The following DCC variants were observed in gnomAD, a reference collection of about 807,000 sequenced individuals.
DCC encodes the protein netrin receptor DCC.
In DCC, 58 loss-of-function variants were observed where a neutral mutation model predicts 172.5. That is an observed-to-expected ratio of 0.34 (90% confidence interval 0.27 to 0.42). DCC has a LOEUF of 0.42. Among genes scored for constraint, DCC ranks in the 10% least tolerant of loss-of-function variants. The pLI is 1.00. For synonymous variants in DCC, 709 were observed against 644.5 expected (o/e 1.10, Z -1.52); for missense variants, 1,740 against 1,791.0 (o/e 0.97, Z 0.51).
intron 1 of DCC, among the ~76,000 whole-genome samples, chr18:52,629,505 A>C: frequency 6.6e-6 from 1 of 152,110 alleles, no homozygotes; most frequent in Non-Finnish European, 1.5e-5. Context: ...CCACATGTAA[A>C]ATATTTCTAA....
chr18:52,556,573 A>C (rs2032920778), intron 1 of DCC, among the ~76,000 whole-genome samples: 1 of 152,126 alleles, frequency 6.6e-6, no homozygotes, highest in South Asian at 2.1e-4. Context: ...GGCAGAACTC[A>C]TGATTAGTGT....
intron 1 of DCC, among the ~76,000 whole-genome samples, chr18:52,347,873 A>G (rs1229555252): frequency 1.3e-5 from 2 of 152,174 alleles, no homozygotes; most frequent in Non-Finnish European, 2.9e-5. Context: ...GAACTGTACT[A>G]TACATATAGT....
intron 1 of DCC, among the ~76,000 whole-genome samples, chr18:52,654,167 C>G (rs1414559913): frequency 6.6e-6 from 1 of 152,140 alleles, no homozygotes; most frequent in Non-Finnish European, 1.5e-5. Context: ...TTAATTCTTG[C>G]TAATGAAGCC....
intron 7 of DCC, among the ~76,000 whole-genome samples, chr18:53,083,029 T>C (rs1045055664): frequency 4.6e-5 from 7 of 152,100 alleles, no homozygotes; most frequent in African/African-American, 1.4e-4. Context: ...TCATTTTTTT[T>C]TTACCTTTGC....
chr18:52,971,528 C>T (rs1252669107), intron 5 of DCC, among the ~76,000 whole-genome samples: 2 of 151,092 alleles, frequency 1.3e-5, no homozygotes, highest in South Asian at 2.1e-4. Context: ...CACACACACA[C>T]GCACGCACAC....
chr18:53,255,613 A>G (rs1343424218), intron 12 of DCC, among the ~76,000 whole-genome samples: 1 of 151,948 alleles, frequency 6.6e-6, no homozygotes, highest in Non-Finnish European at 1.5e-5. Flanking sequence ...CCAGTCTATC[A>G]TGGTTGGACA....
At chr18:53,202,201 A>G (rs1021159376) in intron 9 of DCC, among the ~76,000 whole-genome samples, 22 of 152,124 alleles carry the variant, frequency 1.4e-4, no homozygotes, top group African/African-American at 5.3e-4. Flanking sequence ...CTTTTTCTAG[A>G]GCTGAGGCAA....
intron 2 of DCC, among the ~76,000 whole-genome samples, chr18:52,904,977 C>T (rs2039859305): frequency 6.6e-6 from 1 of 152,138 alleles, no homozygotes; most frequent in South Asian, 2.1e-4. Flanking sequence ...ACAAGAATTT[C>T]ATGGTCAAAA....
intron 5 of DCC, among the ~76,000 whole-genome samples, chr18:52,995,929 A>G (rs1255707997): frequency 6.6e-6 from 1 of 150,432 alleles, no homozygotes; most frequent in East Asian, 2.0e-4. Context: ...GTGAAGTTGC[A>G]TTCAGTTCAA....
chr18:52,907,344 A>ATG (rs1416621401), intron 3 of DCC, among the ~76,000 whole-genome samples: 1 of 150,660 alleles, frequency 6.6e-6, no homozygotes, highest in Non-Finnish European at 1.5e-5. Context: ...ATATATACAT[A>ATG]TATCATGTAT....
intron 14 of DCC, among the ~76,000 whole-genome samples, chr18:53,328,519 T>G (rs746663578): frequency 6.6e-6 from 1 of 152,112 alleles, no homozygotes; most frequent in African/African-American, 2.4e-5. Flanking sequence ...AGACTTTGAC[T>G]GTTGTGTTGT....
chr18:53,076,116 G>A (rs1290767586), intron 7 of DCC, among the ~76,000 whole-genome samples: 1 of 151,966 alleles, frequency 6.6e-6, no homozygotes, highest in East Asian at 1.9e-4. Flanking sequence ...CAATTATTTT[G>A]CCAGGATAGT....
At chr18:52,420,324 T>G (rs1987204104) in intron 1 of DCC, among the ~76,000 whole-genome samples, 1 of 152,136 alleles carries the variant, frequency 6.6e-6, no homozygotes. Flanking sequence ...CAGACTGTGC[T>G]TACCAGGATG....
intron 2 of DCC, among the ~76,000 whole-genome samples, chr18:52,850,539 C>G (rs6508168): frequency 0.44 from 66,494 of 151,772 alleles, 14,746 homozygotes; most frequent in South Asian, 0.55. Context: ...ACTATTTGCT[C>G]TAAGTGAACG....
rs2040881803 is a variant in DCC, at chr18:52,963,618, G to GT, written c.985+38249dup. On this transcript the variant is annotated intron_variant, in intron 5 of 28. Transcript: ENST00000442544. Reference sequence around the variant, plus strand: ...GGGCATTTTTGAGTGGGAAGGTGTTGTGGAGGCCAGGTTAAAGGGAAAGTA... The same window carrying GT: ...GGGCATTTTTGAGTGGGAAGGTGTTGTTGGAGGCCAGGTTAAAGGGAAAGTA... Among the ~76,000 whole-genome samples, 6 of 152,162 alleles carry GT rather than the reference G, an allele frequency of 3.9e-5. No homozygotes were observed. In the South Asian group the frequency reaches 1.2e-3, roughly 32 times the overall value.
At chr18:53,138,258 C>G (rs200635486) in intron 7 of DCC, among the ~76,000 whole-genome samples, 1 of 152,112 alleles carries the variant, frequency 6.6e-6, no homozygotes, top group Non-Finnish European at 1.5e-5. Context: ...TAATGTGCCT[C>G]TCTAATGCTG....
intron 14 of DCC, among the ~76,000 whole-genome samples, chr18:53,336,900 T>G (rs2057597889): frequency 6.6e-6 from 1 of 152,120 alleles, no homozygotes; most frequent in African/African-American, 2.4e-5. Flanking sequence ...ACAAAACTAA[T>G]TAGGATTTAG....
chr18:53,473,410 A>T (rs2045722835), intron 25 of DCC, among the ~76,000 whole-genome samples: 1 of 152,368 alleles, frequency 6.6e-6, no homozygotes, highest in African/African-American at 2.4e-5. Context: ...TTATGTTTGT[A>T]ACACATCAAT....
chr18:52,556,714 TG>T (rs2032924159), intron 1 of DCC, among the ~76,000 whole-genome samples: 1 of 151,810 alleles, frequency 6.6e-6, no homozygotes, highest in Non-Finnish European at 1.5e-5. Context: ...ACATGCTTAA[TG>T]GCAACACTCC....
Sources: gnomAD v4.1 joint callset for allele counts (sites outside exome capture counted in the v4.1 genomes callset) on GRCh38, gnomAD v4.1.1 for gene constraint, MANE v1.5 for transcripts, NCBI Gene and HGNC (gene_info 2026-07-23, HGNC 2026-07-21) for gene names.